Variants in RAPGEF5 observed in about 807,000 individuals in gnomAD.
RAPGEF5 encodes Rap guanine nucleotide exchange factor 5.
In RAPGEF5, 65 loss-of-function variants were observed where a neutral mutation model predicts 125.2. The observed-to-expected ratio is 0.52, with a 90% confidence interval of 0.43 to 0.64. RAPGEF5 has a LOEUF of 0.64. Among genes scored for constraint, RAPGEF5 ranks in the 30% least tolerant of loss-of-function variants. The pLI, the probability that RAPGEF5 is intolerant of heterozygous loss-of-function variation, is 0.00. For missense variants in RAPGEF5, 958 were observed against 1,048.1 expected, an observed-to-expected ratio of 0.91 and a Z score of 1.19; for synonymous variants, 391 against 385.9, an observed-to-expected ratio of 1.01 and a Z score of -0.16.
chr7:22,309,876 T>C, intron 4 of RAPGEF5, 93 bp downstream of exon 4: 1 of 1,337,028 alleles, frequency 7.5e-7, no homozygotes, highest in Non-Finnish European at 1.0e-6. Flanking sequence ...ATAATTTCCA[T>C]CCAGACTGTA....
At chr7:22,286,400 T>C (rs897689118) in intron 6 of RAPGEF5, among the ~76,000 whole-genome samples, 1 of 152,248 alleles carries the variant, frequency 6.6e-6, no homozygotes, top group Admixed American at 6.5e-5. Context: ...AATTAGACTA[T>C]GAACAAAAGT....
chr7:22,245,878 G>C (rs1446706451), intron 7 of RAPGEF5, among the ~76,000 whole-genome samples: 1 of 152,120 alleles, frequency 6.6e-6, no homozygotes, highest in Non-Finnish European at 1.5e-5. Flanking sequence ...GGCTTCAGTG[G>C]AGTTTCAGGC....
chr7:22,316,961 C>T (rs2128154876), intron 2 of RAPGEF5, among the ~76,000 whole-genome samples: 1 of 146,918 alleles, frequency 6.8e-6, no homozygotes, highest in South Asian at 2.2e-4. Context: ...TATTTTTTAA[C>T]ATGTTAAAAC....
At chr7:22,331,744 C>CAAAAAAAAAA (rs11406166) in intron 1 of RAPGEF5, among the ~76,000 whole-genome samples, 1 of 94,888 alleles carries the variant, frequency 1.1e-5, no homozygotes, top group African/African-American at 4.1e-5. Context: ...GACTCCATCT[C>CAAAAAAAAAA]AAAAAAAAAA....
intron 2 of RAPGEF5, among the ~76,000 whole-genome samples, chr7:22,315,929 A>G (rs1783579860): frequency 6.6e-6 from 1 of 152,206 alleles, no homozygotes; most frequent in Non-Finnish European, 1.5e-5. Context: ...TATCTAGTGA[A>G]CATCTCGAAC....
chr7:22,132,462 G>A (rs1782944134), intron 23 of RAPGEF5, among the ~76,000 whole-genome samples: 1 of 151,656 alleles, frequency 6.6e-6, no homozygotes, highest in Admixed American at 6.6e-5. Flanking sequence ...AAACTCTCTG[G>A]TTATTTTATT....
intron 25 of RAPGEF5, among the ~76,000 whole-genome samples, chr7:22,123,738 G>T (rs974382310): frequency 6.6e-6 from 1 of 152,182 alleles, no homozygotes; most frequent in Non-Finnish European, 1.5e-5. Flanking sequence ...ACAAAAAGCT[G>T]TTTTATTCCA....
chr7:22,321,154 A>G (rs73683346), intron 1 of RAPGEF5, among the ~76,000 whole-genome samples: 1,930 of 152,336 alleles, frequency 0.013, 47 homozygotes, highest in African/African-American at 0.043. Context: ...ATTTTAATGA[A>G]CCATGGAAAA....
intron 7 of RAPGEF5, among the ~76,000 whole-genome samples, chr7:22,237,803 T>C (rs1195163998): frequency 6.6e-6 from 1 of 152,162 alleles, no homozygotes; most frequent in African/African-American, 2.4e-5. Flanking sequence ...TACCAGCACC[T>C]GGAATAATTT....
chr7:22,350,892 G>A (rs1784318117), intron 1 of RAPGEF5, among the ~76,000 whole-genome samples: 1 of 152,170 alleles, frequency 6.6e-6, no homozygotes, highest in South Asian at 2.1e-4. Context: ...ATAGTAGTTT[G>A]TCAGCAAGCA....
chr7:22,164,779 A>G (rs570202507), intron 12 of RAPGEF5, among the ~76,000 whole-genome samples: 2 of 152,336 alleles, frequency 1.3e-5, no homozygotes, highest in South Asian at 4.1e-4. Context: ...TATAACTTCT[A>G]TGTAATGCAC....
At chr7:22,149,474 T>G (rs1783549958) in intron 18 of RAPGEF5, among the ~76,000 whole-genome samples, 1 of 152,210 alleles carries the variant, frequency 6.6e-6, no homozygotes, top group African/African-American at 2.4e-5. Flanking sequence ...AGATCTGAAG[T>G]CTGGTCCTCC....
chr7:22,145,498 T>A (rs1253824552), intron 19 of RAPGEF5, among the ~76,000 whole-genome samples: 1 of 152,208 alleles, frequency 6.6e-6, no homozygotes, highest in Non-Finnish European at 1.5e-5. Context: ...GAAGTTTAAA[T>A]CATAGGATAA....
chr7:22,319,699 T>C (rs926795491), intron 1 of RAPGEF5, among the ~76,000 whole-genome samples: 14 of 152,188 alleles, frequency 9.2e-5, no homozygotes, highest in African/African-American at 3.4e-4. Context: ...TCATAATTTA[T>C]TTTTTTCTCC....
At chr7:22,244,179 T>C (rs959454051) in intron 7 of RAPGEF5, among the ~76,000 whole-genome samples, 2 of 152,186 alleles carry the variant, frequency 1.3e-5, no homozygotes, top group African/African-American at 4.8e-5. Flanking sequence ...TATATATACA[T>C]ATATACACAT....
At chr7:22,128,183 G>T (rs1481407183) in intron 24 of RAPGEF5, among the ~76,000 whole-genome samples, 1 of 152,080 alleles carries the variant, frequency 6.6e-6, no homozygotes, top group Non-Finnish European at 1.5e-5. Context: ...AAAGGGGGAG[G>T]GGGTAGACAG....
chr7:22,282,143 A>G (rs1008111849), intron 6 of RAPGEF5, among the ~76,000 whole-genome samples: 1 of 152,178 alleles, frequency 6.6e-6, no homozygotes, highest in Non-Finnish European at 1.5e-5. Context: ...TAAAACCGTA[A>G]CTGAGCACAA....
chr7:22,308,137 T>C (rs1244864719), intron 5 of RAPGEF5, among the ~76,000 whole-genome samples: 1 of 152,248 alleles, frequency 6.6e-6, no homozygotes, highest in Non-Finnish European at 1.5e-5. Context: ...CATAGGCTTC[T>C]GGGATTTAAA....
chr7:22,205,564 C>G (rs1443843020), intron 9 of RAPGEF5, among the ~76,000 whole-genome samples: 1 of 152,164 alleles, frequency 6.6e-6, no homozygotes, highest in Non-Finnish European at 1.5e-5. Flanking sequence ...CTTCACGTGA[C>G]AGATAGACAT....
Sources: gnomAD v4.1 joint callset for allele counts (sites outside exome capture counted in the v4.1 genomes callset) on GRCh38, gnomAD v4.1.1 for gene constraint, MANE v1.5 for transcripts, NCBI Gene and HGNC (gene_info 2026-07-23, HGNC 2026-07-21) for gene names.